Variants in CFAP96 observed in about 807,000 individuals in gnomAD.
CFAP96 encodes cilia-and flagella-associated protein 96.
the CFAP96 span, chr4:185,426,217 A>C: frequency 1.5e-3 from 479 of 329,624 alleles, 2 homozygotes; most frequent in Non-Finnish European, 2.1e-3. Context: ...CCGGGGCAAC[A>C]CATCACACAA....
At chr4:185,430,452 A>T in the CFAP96 span, among the ~76,000 whole-genome samples, 1 of 152,242 alleles carries the variant, frequency 6.6e-6, no homozygotes, top group Non-Finnish European at 1.5e-5. Flanking sequence ...TATCTATGAA[A>T]ATATTCACTT....
At chr4:185,428,561 A>G in the CFAP96 span, among the ~76,000 whole-genome samples, 12,170 of 69,400 alleles carry the variant, frequency 0.18, 850 homozygotes, top group African/African-American at 0.31. Context: ...CTGTCTAAAA[A>G]AAAAAAAAAC....
chr4:185,428,223 A>G, the CFAP96 span, among the ~76,000 whole-genome samples: 1 of 152,032 alleles, frequency 6.6e-6, no homozygotes, highest in Non-Finnish European at 1.5e-5. Flanking sequence ...GGATAGAGGT[A>G]AGTATTCTTA....
At chr4:185,433,539 T>TAGGA in the CFAP96 span, among the ~76,000 whole-genome samples, 1 of 92,286 alleles carries the variant, frequency 1.1e-5, no homozygotes, top group Admixed American at 9.7e-5. Context: ...GTAAAACTAC[T>TAGGA]TTGTATAACT....
the CFAP96 span, chr4:185,429,203 C>T: frequency 5.0e-6 from 2 of 401,364 alleles, no homozygotes; most frequent in African/African-American, 4.2e-5. Context: ...TAGGTTCTTT[C>T]CCCATGGAGT....
chr4:185,418,429 TA>T, the CFAP96 span: 1 of 1,584,654 alleles, frequency 6.3e-7, no homozygotes, highest in Non-Finnish European at 8.7e-7. Flanking sequence ...AGAAGACAGA[TA>T]GTTTGCTTAC....
the CFAP96 span, chr4:185,418,808 A>G: frequency 1.1e-5 from 16 of 1,499,414 alleles, no homozygotes; most frequent in Non-Finnish European, 1.3e-5. Flanking sequence ...TAAGAAAAAC[A>G]AATTTTTCAA....
At chr4:185,438,528 ATTAG>A in the CFAP96 span, among the ~76,000 whole-genome samples, 9 of 152,068 alleles carry the variant, frequency 5.9e-5, no homozygotes, top group Middle Eastern at 3.2e-3. Flanking sequence ...TAACATCTAT[ATTAG>A]TTCTTGGTTG....
At chr4:185,434,181 T>C in the CFAP96 span, among the ~76,000 whole-genome samples, 1 of 151,358 alleles carries the variant, frequency 6.6e-6, no homozygotes. Flanking sequence ...ACTGCACCAC[T>C]GCACTGCACT....
At chr4:185,428,802 T>C in the CFAP96 span, among the ~76,000 whole-genome samples, 1,490 of 152,302 alleles carry the variant, frequency 9.8e-3, 33 homozygotes, top group African/African-American at 0.034. Context: ...TTTATAATTT[T>C]GCCAGTGACA....
chr4:185,443,897 C>T, the CFAP96 span, among the ~76,000 whole-genome samples: 1 of 140,618 alleles, frequency 7.1e-6, no homozygotes, highest in African/African-American at 2.6e-5. Context: ...TCTGGAAAAC[C>T]TGAAAACTTA....
chr4:185,443,911 C>A, the CFAP96 span, among the ~76,000 whole-genome samples: 2 of 132,582 alleles, frequency 1.5e-5, no homozygotes, highest in Admixed American at 7.7e-5. Flanking sequence ...AAACTTATAA[C>A]TATATCTTTC....
At chr4:185,432,128 A>G in the CFAP96 span, 1 of 1,551,888 alleles carries the variant, frequency 6.4e-7, no homozygotes, top group Non-Finnish European at 8.7e-7. Flanking sequence ...TCAAGTGAGG[A>G]GACGGGATAT....
At chr4:185,449,588 A>G in the CFAP96 span, 1 of 1,530,412 alleles carries the variant, frequency 6.5e-7, no homozygotes, top group Admixed American at 2.1e-5. Context: ...TTTATTTTCC[A>G]ATTTTAGGGC....
the CFAP96 span, among the ~76,000 whole-genome samples, chr4:185,442,501 T>C: frequency 6.6e-6 from 1 of 152,182 alleles, no homozygotes; most frequent in African/African-American, 2.4e-5. Flanking sequence ...ACAAAATAAC[T>C]GGCCACTTCA....
the CFAP96 span, chr4:185,429,637 G>T: frequency 1.7e-6 from 1 of 601,798 alleles, no homozygotes; most frequent in Non-Finnish European, 2.8e-6. Flanking sequence ...TCTAAAGTTT[G>T]TTAACGTGTA....
At chr4:185,419,334 G>A in the CFAP96 span, among the ~76,000 whole-genome samples, 34 of 152,168 alleles carry the variant, frequency 2.2e-4, no homozygotes, top group Non-Finnish European at 2.8e-4. Context: ...GTTTCACCAC[G>A]TTAGCCAGGA....
At chr4:185,410,945 C>CAA in the CFAP96 span, among the ~76,000 whole-genome samples, 71,125 of 113,430 alleles carry the variant, frequency 0.63, 22,386 homozygotes, top group East Asian at 0.79. Flanking sequence ...GACTCCATCT[C>CAA]AAAAAAAAAA....
the CFAP96 span, among the ~76,000 whole-genome samples, chr4:185,438,208 G>C: frequency 6.6e-6 from 1 of 151,764 alleles, no homozygotes; most frequent in East Asian, 1.9e-4. Context: ...AGAAATTCCA[G>C]TTACATGTGC....
Sources: gnomAD v4.1 joint callset for allele counts (sites outside exome capture counted in the v4.1 genomes callset) on GRCh38, gnomAD v4.1.1 for gene constraint, MANE v1.5 for transcripts, NCBI Gene and HGNC (gene_info 2026-07-23, HGNC 2026-07-21) for gene names.